SPOP: variants seen among roughly 807,000 people sequenced by gnomAD.
The protein encoded by SPOP is speckle type BTB/POZ protein, also known as speckle-type POZ protein.
SPOP carries 11 observed loss-of-function variants against 45.6 expected under a neutral mutation model. The ratio of observed to expected loss-of-function variants is 0.24; its 90% CI spans 0.15 to 0.40. SPOP has a LOEUF of 0.40. Ranked by LOEUF, SPOP falls within the 10% of genes least tolerant of loss-of-function variation. The pLI is 1.00. For synonymous variants in SPOP, 166 were observed against 166.3 expected, an observed-to-expected ratio of 1.00 and a Z score of 0.01; for missense variants, 152 against 465.6, an observed-to-expected ratio of 0.33 and a Z score of 6.20.
At chr17:49,671,594 A>T (rs1021253159) in intron 1 of SPOP, among the ~76,000 whole-genome samples, 1 of 152,124 alleles carries the variant, frequency 6.6e-6, no homozygotes, top group Non-Finnish European at 1.5e-5. Context: ...CATGACACTA[A>T]AACAATGAGA....
At chr17:49,606,110 C>A (rs1001967356) in intron 8 of SPOP, among the ~76,000 whole-genome samples, 1 of 151,700 alleles carries the variant, frequency 6.6e-6, no homozygotes, top group Admixed American at 6.6e-5. Context: ...AATATAAATG[C>A]TATGTAAATA....
chr17:49,671,341 G>A (rs180860964), intron 1 of SPOP, among the ~76,000 whole-genome samples: 10 of 151,170 alleles, frequency 6.6e-5, no homozygotes, highest in East Asian at 3.9e-4. Flanking sequence ...TGACAAAACC[G>A]CAATTACTTT....
intron 1 of SPOP, among the ~76,000 whole-genome samples, chr17:49,632,418 C>T (rs2072467820): frequency 6.6e-6 from 1 of 152,060 alleles, no homozygotes; most frequent in South Asian, 2.1e-4. Context: ...ATAAGTCAAT[C>T]CTGGTTATAG....
At chr17:49,663,753 T>C (rs1335133435) in intron 1 of SPOP, among the ~76,000 whole-genome samples, 1 of 152,222 alleles carries the variant, frequency 6.6e-6, no homozygotes, top group Non-Finnish European at 1.5e-5. Flanking sequence ...ACTGGTTATT[T>C]AGACATGAAT....
intron 5 of SPOP, among the ~76,000 whole-genome samples, chr17:49,617,403 C>T (rs894638989): frequency 3.3e-5 from 5 of 152,090 alleles, no homozygotes; most frequent in African/African-American, 7.2e-5. Flanking sequence ...TAATCTGTGA[C>T]GTTAGATTTA....
intron 1 of SPOP, among the ~76,000 whole-genome samples, chr17:49,666,753 G>C (rs2073064780): frequency 6.6e-6 from 1 of 152,082 alleles, no homozygotes; most frequent in South Asian, 2.1e-4. Flanking sequence ...ACTTGAACCT[G>C]GCAGGCAGAG....
chr17:49,664,014 A>G (rs1412966265), intron 1 of SPOP, among the ~76,000 whole-genome samples: 1 of 152,258 alleles, frequency 6.6e-6, no homozygotes, highest in Admixed American at 6.5e-5. Context: ...CTCAATTAAC[A>G]AGTATTTCCC....
chr17:49,652,702 TA>T (rs2143496006), intron 1 of SPOP, among the ~76,000 whole-genome samples: 1 of 152,238 alleles, frequency 6.6e-6, no homozygotes, highest in South Asian at 2.1e-4. Context: ...AAAAACACAG[TA>T]AAACCAATTT....
chr17:49,664,266 G>T (rs1041182938), intron 1 of SPOP, among the ~76,000 whole-genome samples: 4 of 152,108 alleles, frequency 2.6e-5, no homozygotes, highest in African/African-American at 9.7e-5. Context: ...GTTCTTTCAG[G>T]CCATATTTTC....
At chr17:49,629,566 G>C (rs2072409842) in intron 1 of SPOP, among the ~76,000 whole-genome samples, 1 of 152,122 alleles carries the variant, frequency 6.6e-6, no homozygotes, top group African/African-American at 2.4e-5. Context: ...TAACTTATCT[G>C]AACTAAACTC....
rs2071721640 is a variant in SPOP, at chr17:49,600,588, TA to T, written c.981-67del. The T allele has an allele frequency of 1.9e-6, 3 of 1,577,200 alleles. No individual in the cohort carries two copies. Among genetic ancestry groups the T allele is most frequent in the African/African-American group, 1.3e-5 (1 of 74,192 alleles). Reference sequence around the variant, plus strand: ...GCAAGGGATGAATTCAACAGCCACCTAGATAGCCTAATTTTCCACTGTTAGG... The same window carrying T: ...GCAAGGGATGAATTCAACAGCCACCTGATAGCCTAATTTTCCACTGTTAGG... On this transcript the variant is annotated intron_variant, in intron 9 of 9. Coordinates refer to ENST00000504102, the MANE Select transcript of SPOP (RefSeq NM_001007228.2). The surrounding 1 kb of genome is among the most constrained non-coding windows in gnomAD (Gnocchi z 4.2).
chr17:49,606,937 T>C (rs1233100600), intron 8 of SPOP: 8 of 265,332 alleles, frequency 3.0e-5, no homozygotes, highest in Non-Finnish European at 5.7e-5. Context: ...ATCCAAATGT[T>C]AGTATTATTT....
chr17:49,607,449 A>G, intron 7 of SPOP, 77 bp from the exon 8 acceptor site: 1 of 1,530,818 alleles, frequency 6.5e-7, no homozygotes, highest in Admixed American at 2.0e-5. Context: ...CATGATTTTA[A>G]GCTCTAGTGA....
intron 5 of SPOP, among the ~76,000 whole-genome samples, 157 bp from the exon 6 acceptor site, chr17:49,611,614 G>C (rs1315685774): frequency 6.6e-6 from 1 of 152,086 alleles, no homozygotes; most frequent in African/African-American, 2.4e-5. Flanking sequence ...TTTAGCCCCG[G>C]ATCAAGTAAC....
chr17:49,642,725 A>C (rs1165829854), intron 1 of SPOP, among the ~76,000 whole-genome samples: 1 of 152,236 alleles, frequency 6.6e-6, no homozygotes, highest in African/African-American at 2.4e-5. Flanking sequence ...GAAAGATTTA[A>C]GATAGGAACA....
intron 1 of SPOP, among the ~76,000 whole-genome samples, chr17:49,634,616 A>C (rs992898978): frequency 2.0e-5 from 3 of 152,236 alleles, no homozygotes; most frequent in Non-Finnish European, 4.4e-5. Flanking sequence ...TCCAATCTGC[A>C]AGGAATTCAA....
At chr17:49,610,970 T>C (rs1567772980) in intron 6 of SPOP, among the ~76,000 whole-genome samples, 2 of 152,162 alleles carry the variant, frequency 1.3e-5, no homozygotes, top group Non-Finnish European at 2.9e-5. Flanking sequence ...TAGGGGTTGA[T>C]ACCTGCTCTT....
chr17:49,668,263 T>C (rs1413474528), intron 1 of SPOP, among the ~76,000 whole-genome samples: 6 of 152,198 alleles, frequency 3.9e-5, no homozygotes, highest in African/African-American at 1.4e-4. Context: ...AAAGATTGTT[T>C]ATTATGTGTA....
At chr17:49,613,903 G>A (rs976096520) in intron 5 of SPOP, among the ~76,000 whole-genome samples, 1 of 152,084 alleles carries the variant, frequency 6.6e-6, no homozygotes, top group Admixed American at 6.5e-5. Context: ...GTTGACTGGG[G>A]AGACTCATTC....
Sources: allele counts gnomAD v4.1 joint callset (sites outside exome capture counted in the v4.1 genomes callset), GRCh38; gene constraint gnomAD v4.1.1; non-coding constraint Gnocchi (gnomAD v3.1); transcripts MANE v1.5; gene names NCBI Gene and HGNC (gene_info 2026-07-23, HGNC 2026-07-21).